FAM107B: variants seen among roughly 807,000 people sequenced by gnomAD.
FAM107B encodes the protein family with sequence similarity 107 member B, also known as protein FAM107B.
A neutral mutation model predicts 31.5 loss-of-function variants in FAM107B; 21 were observed. That is an observed-to-expected ratio of 0.67 (90% CI 0.47 to 0.96). The LOEUF (loss-of-function observed/expected upper bound fraction) is 0.96, where lower values mean the gene tolerates loss of function less well. FAM107B is among the 40% of genes least tolerant of loss of function. The pLI is 0.00. For missense variants in FAM107B, 452 were observed against 377.1 expected (o/e 1.20, Z -1.64); for synonymous variants, 157 against 141.5 (o/e 1.11, Z -0.78).
chr10:14,669,199 C>T (rs778405460), intron 1 of FAM107B, among the ~76,000 whole-genome samples: 2 of 151,960 alleles, frequency 1.3e-5, no homozygotes, highest in Non-Finnish European at 2.9e-5. Flanking sequence ...GAAACCCCAT[C>T]TCTACAAAAA....
chr10:14,774,740 T>C lies in FAM107B; in HGVS notation c.-77A>G. 6.8e-7 allele frequency: 1 copy of C among 1,460,484 alleles called. No homozygotes were observed. Among genetic ancestry groups the C allele is most frequent in the East Asian group, 2.3e-5 (1 of 43,778 alleles). 90.5% of individuals were successfully genotyped at this position (1,460,484 alleles called of 1,614,324 possible). A position where few individuals can be genotyped will look rare whatever the true frequency, so the allele number is the denominator to read the frequency against. On this transcript the variant is annotated 5_prime_UTR_variant, in exon 1 of 5. In the 5' UTR this introduces an upstream ATG that the reference lacks. Transcript: ENST00000181796. ...GGGTCCACATCACCTCCACTTTGCTTATAGGAACTCTTTCCAATTGCCCGA... is the reference window on the plus strand; with the variant it reads ...GGGTCCACATCACCTCCACTTTGCTCATAGGAACTCTTTCCAATTGCCCGA...
intron 1 of FAM107B, among the ~76,000 whole-genome samples, chr10:14,741,116 G>A (rs970963598): frequency 3.9e-5 from 6 of 152,150 alleles, no homozygotes; most frequent in African/African-American, 1.4e-4. Flanking sequence ...AGTCAGAGGA[G>A]TGGCTGGCAA....
At chr10:14,732,181 T>C (rs999033341) in intron 1 of FAM107B, among the ~76,000 whole-genome samples, 1 of 152,242 alleles carries the variant, frequency 6.6e-6, no homozygotes, top group Admixed American at 6.5e-5. Context: ...ATTGATGTTT[T>C]ACATTCATTT....
At chr10:14,589,437 CAAT>C (rs947211591) in intron 2 of FAM107B, among the ~76,000 whole-genome samples, 1 of 152,018 alleles carries the variant, frequency 6.6e-6, no homozygotes, top group African/African-American at 2.4e-5. Context: ...ACTATATCTG[CAAT>C]AATTAGAGCT....
intron 1 of FAM107B, among the ~76,000 whole-genome samples, chr10:14,772,692 G>A (rs535775736): frequency 1.3e-5 from 2 of 151,928 alleles, no homozygotes; most frequent in African/African-American, 2.4e-5. Flanking sequence ...TCTCTGCTCC[G>A]GGCTTCCCAA....
intron 2 of FAM107B, among the ~76,000 whole-genome samples, chr10:14,577,778 C>A (rs1851511009): frequency 6.6e-6 from 1 of 152,136 alleles, no homozygotes; most frequent in African/African-American, 2.4e-5. Flanking sequence ...GTTTTTAACC[C>A]CCAATGTGAA....
intron 2 of FAM107B, among the ~76,000 whole-genome samples, chr10:14,541,194 A>G (rs1168680645): frequency 6.6e-6 from 1 of 152,070 alleles, no homozygotes; most frequent in East Asian, 1.9e-4. Flanking sequence ...CATGGCCTCC[A>G]TCCCCTCCGG....
rs1455058375 is a variant in FAM107B, at chr10:14,572,736, A to ATTTTATATATATATATATATATATATAT, written c.470-42222_470-42221insATATATATATATATATATATATATAAAA. Among the ~76,000 whole-genome samples, 131 of 86,398 alleles carry ATTTTATATATATATATATATATATATAT rather than the reference A, an allele frequency of 1.5e-3. 5 individuals are homozygous for ATTTTATATATATATATATATATATATAT. The highest frequency in any genetic ancestry group is 2.5e-3 in the East Asian group (6 of 2,412). The allele number at this position is 86,398 out of a possible 152,430, so 56.7% of individuals were successfully genotyped here. ...CCCCATCTCTTCAAAAAAAAAAAAA[A>ATTTTATATATATATATATATATATATAT]ATTTATATATATATATATATATATT... is the stretch of plus-strand genomic sequence containing the variant. On this transcript the variant is annotated intron_variant, in intron 2 of 4. Coordinates refer to ENST00000181796, the MANE Select transcript of FAM107B (RefSeq NM_031453.4).
At chr10:14,684,777 G>A (rs542445033) in intron 1 of FAM107B, among the ~76,000 whole-genome samples, 16 of 151,768 alleles carry the variant, frequency 1.1e-4, no homozygotes, top group African/African-American at 3.6e-4. Context: ...TTTATAAGGC[G>A]ATATTGAATA....
intron 2 of FAM107B, among the ~76,000 whole-genome samples, chr10:14,653,609 C>A (rs188619282): frequency 2.0e-5 from 3 of 149,546 alleles, no homozygotes; most frequent in African/African-American, 7.4e-5. Flanking sequence ...AGCTGTGCAG[C>A]CACAGTCATC....
chr10:14,551,303 C>A (rs540858415), intron 2 of FAM107B, among the ~76,000 whole-genome samples: 1 of 152,234 alleles, frequency 6.6e-6, no homozygotes, highest in African/African-American at 2.4e-5. Flanking sequence ...GCCCACCATG[C>A]CCGCCTAATT....
In FAM107B at chr10:14,534,191, T is replaced by A. The variant is rs116571457; in HGVS notation, c.470-3676A>T. Among the ~76,000 whole-genome samples, 1,471 of 152,128 alleles carry A rather than the reference T, an allele frequency of 9.7e-3. 35 individuals are homozygous for A. The highest frequency in any genetic ancestry group is 0.033 in the African/African-American group (1,372 of 41,494). On this transcript the variant is annotated intron_variant, in intron 2 of 4. Coordinates refer to ENST00000181796, the MANE Select transcript of FAM107B (RefSeq NM_031453.4). ...ACCTTAAGCCTGTCCTCAGAACAGG[T>A]GGCATGGTCCCTGCAGCTCCTCATG...
intron 2 of FAM107B, among the ~76,000 whole-genome samples, chr10:14,562,169 A>G (rs1850300958): frequency 6.6e-6 from 1 of 152,224 alleles, no homozygotes; most frequent in South Asian, 2.1e-4. Context: ...TGTAATGATG[A>G]TATTAACCAG....
chr10:14,662,253 G>T (rs72770518), intron 2 of FAM107B, among the ~76,000 whole-genome samples: 17,636 of 152,130 alleles, frequency 0.12, 1,099 homozygotes, highest in South Asian at 0.14. Flanking sequence ...GCACACAGTC[G>T]AACGGAGTCT....
chr10:14,705,554 C>A (rs1330145947), intron 1 of FAM107B, among the ~76,000 whole-genome samples: 1 of 152,108 alleles, frequency 6.6e-6, no homozygotes, highest in African/African-American at 2.4e-5. Flanking sequence ...AATTCTGACA[C>A]ACACCACAAC....
At chr10:14,545,016 T>C (rs1848567320) in intron 2 of FAM107B, among the ~76,000 whole-genome samples, 1 of 152,216 alleles carries the variant, frequency 6.6e-6, no homozygotes, top group Admixed American at 6.5e-5. Flanking sequence ...ATATCGGAGA[T>C]GCAGTGAGTC....
chr10:14,654,831 C>T (rs1274135948), intron 2 of FAM107B, among the ~76,000 whole-genome samples: 1 of 152,178 alleles, frequency 6.6e-6, no homozygotes, highest in East Asian at 1.9e-4. Flanking sequence ...AAATGCCCCT[C>T]AGTGGATGCA....
At chr10:14,602,718 C>T (rs964355871) in intron 2 of FAM107B, 8 of 152,156 alleles carry the variant, frequency 5.3e-5, no homozygotes, top group African/African-American at 1.9e-4. Flanking sequence ...AAGTCAATCC[C>T]AAATGACTCC....
At chr10:14,523,464 A>G (rs1053192790) in intron 3 of FAM107B, among the ~76,000 whole-genome samples, 39 of 152,344 alleles carry the variant, frequency 2.6e-4, no homozygotes, top group Admixed American at 7.8e-4. Flanking sequence ...ACTGCAGGCA[A>G]CAAGCACTGC....
Sources: gnomAD v4.1 joint callset for allele counts (sites outside exome capture counted in the v4.1 genomes callset) on GRCh38, gnomAD v4.1.1 for gene constraint, MANE v1.5 for transcripts, NCBI Gene and HGNC (gene_info 2026-07-23, HGNC 2026-07-21) for gene names.